The following SPRY3 variants were observed in gnomAD, a reference collection of about 807,000 sequenced individuals.
The protein encoded by SPRY3 is sprouty RTK signaling antagonist 3, also known as protein sprouty homolog 3.
A neutral mutation model predicts 20.2 loss-of-function variants in SPRY3; 15 were observed. The observed-to-expected ratio is 0.74, with a 90% confidence interval of 0.50 to 1.14. SPRY3 has a LOEUF of 1.14. SPRY3 is among the 50% of genes most tolerant of loss of function. SPRY3 has a pLI of 0.00. For missense variants in SPRY3, 364 were observed against 363.9 expected (o/e 1.00, Z 0.00); for synonymous variants, 143 against 136.5 (o/e 1.05, Z -0.33).
At chrX:155,774,930 C>A in exon 4 of SPRY3, 1 of 656,542 alleles carries the variant, frequency 1.5e-6, no homozygotes, top group Admixed American at 3.0e-5. Context: ...CAGTATCTAT[C>A]CCACTCCTCT....
intron 2 of SPRY3, among the ~76,000 whole-genome samples, chrX:155,659,107 CT>C (rs1319283992): frequency 1.5e-5 from 1 of 65,471 alleles, no homozygotes; most frequent in African/African-American, 7.2e-5. Flanking sequence ...TTTCTTTCTT[CT>C]TTCTTTCTTT....
At chrX:155,749,617 G>T (rs1022864538) in intron 2 of SPRY3, among the ~76,000 whole-genome samples, 6 of 151,776 alleles carry the variant, frequency 4.0e-5, no homozygotes, top group African/African-American at 1.5e-4. Flanking sequence ...GCTTCAGTGG[G>T]CTGTGTGAGA....
At chrX:155,662,692 A>AAAC (rs2068013778) in intron 2 of SPRY3, among the ~76,000 whole-genome samples, 1 of 108,778 alleles carries the variant, frequency 9.2e-6, no homozygotes, top group Non-Finnish European at 1.9e-5. Context: ...CAAAAAAAAA[A>AAAC]AAAAAAAAAA....
intron 2 of SPRY3, among the ~76,000 whole-genome samples, chrX:155,746,641 C>A (rs2124578219): frequency 6.6e-6 from 1 of 151,994 alleles, no homozygotes; most frequent in African/African-American, 2.4e-5. Context: ...TCAGTCTTTC[C>A]TTTACCTTGG....
exon 2 of SPRY3, chrX:155,781,954 C>A (rs2091465540): frequency 6.0e-6 from 1 of 166,906 alleles, no homozygotes; most frequent in African/African-American, 2.4e-5. Flanking sequence ...CTTGCCCTTG[C>A]TGGAATAGGG....
chrX:155,621,605 G>T, intron 1 of SPRY3, among the ~76,000 whole-genome samples: 1 of 111,797 alleles, frequency 8.9e-6, no homozygotes, highest in Non-Finnish European at 1.9e-5. Context: ...AGGAAAAAAT[G>T]TGTCTTCAAG....
chrX:155,768,093 T>G lies in SPRY3; in HGVS notation c.-150T>G, dbSNP rs1204440470. 1 of 152,068 alleles carries G rather than the reference T, an allele frequency of 6.6e-6. No individual in the cohort carries two copies. Among genetic ancestry groups the G allele is most frequent in the Non-Finnish European group, 1.5e-5 (1 of 68,028 alleles). The allele number at this position is 152,068 out of a possible 1,614,324, so 9.4% of individuals were successfully genotyped here. ...AGATCCTTTGAGCCAGATGGGGCAT[T>G]AGTTCTTCTGCTTTTCTCAGCATGG... On this transcript the variant is annotated 5_prime_UTR_variant, in exon 3 of 4. The change creates a new upstream start codon in the 5' untranslated region. Transcript: ENST00000675360.
chrX:155,769,852 G>GT (rs1223092967), intron 3 of SPRY3, among the ~76,000 whole-genome samples: 1 of 152,210 alleles, frequency 6.6e-6, no homozygotes, highest in African/African-American at 2.4e-5. Context: ...GGCCCAGTCA[G>GT]TGGCAGAGAG....
At chrX:155,669,914 A>C (rs1241864146) in intron 2 of SPRY3, 1 of 111,217 alleles carries the variant, frequency 9.0e-6, no homozygotes, top group Non-Finnish European at 1.9e-5. Context: ...TCTCATAGTG[A>C]AATAGGCATT....
chrX:155,626,138 T>C, intron 1 of SPRY3, among the ~76,000 whole-genome samples: 1 of 111,623 alleles, frequency 9.0e-6, no homozygotes, highest in Non-Finnish European at 1.9e-5. Flanking sequence ...CCACAATGGC[T>C]ACACAATTTT....
At chrX:155,740,893 G>A (rs868670026) in intron 2 of SPRY3, among the ~76,000 whole-genome samples, 10 of 151,874 alleles carry the variant, frequency 6.6e-5, no homozygotes, top group Non-Finnish European at 1.0e-4. Context: ...TGGGCATCAC[G>A]GTCCTACCGA....
At chrX:155,625,760 T>G (rs1485970538) in intron 1 of SPRY3, among the ~76,000 whole-genome samples, 1 of 111,505 alleles carries the variant, frequency 9.0e-6, no homozygotes, top group African/African-American at 3.3e-5. Flanking sequence ...TCCCTACCAC[T>G]GGCAACCACT....
chrX:155,772,005 A>G (rs1280644571), intron 3 of SPRY3, among the ~76,000 whole-genome samples: 2 of 152,150 alleles, frequency 1.3e-5, no homozygotes, highest in South Asian at 4.2e-4. Context: ...TTTCACATAG[A>G]TAGTGAAACT....
intron 2 of SPRY3, among the ~76,000 whole-genome samples, chrX:155,671,221 A>C (rs782217943): frequency 8.9e-6 from 1 of 111,867 alleles, no homozygotes; most frequent in African/African-American, 3.2e-5. Context: ...ATAGTTACTT[A>C]TTCTGAACTG....
intron 1 of SPRY3, among the ~76,000 whole-genome samples, chrX:155,624,782 T>C (rs995072374): frequency 4.5e-5 from 5 of 111,971 alleles, no homozygotes; most frequent in Non-Finnish European, 7.6e-5. Context: ...TCCAGGATAA[T>C]GAACTTAATA....
chrX:155,742,144 G>A (rs1170751745), intron 2 of SPRY3, among the ~76,000 whole-genome samples: 1 of 152,236 alleles, frequency 6.6e-6, no homozygotes, highest in South Asian at 2.1e-4. Flanking sequence ...TAAAGGGATG[G>A]AGGAAAATTT....
At chrX:155,723,411 C>T (rs1178011583) in intron 2 of SPRY3, among the ~76,000 whole-genome samples, 4 of 152,088 alleles carry the variant, frequency 2.6e-5, no homozygotes, top group South Asian at 2.1e-4. Flanking sequence ...AGTATAAAAG[C>T]ATTCCTATTT....
intron 2 of SPRY3, among the ~76,000 whole-genome samples, chrX:155,713,097 C>CT (rs200478917): frequency 0.014 from 2,054 of 151,848 alleles, 51 homozygotes; most frequent in African/African-American, 0.047. Context: ...TTTAATCTTT[C>CT]TTTTTTTAAT....
intron 2 of SPRY3, among the ~76,000 whole-genome samples, chrX:155,668,917 C>T (rs1384907164): frequency 9.0e-6 from 1 of 110,960 alleles, no homozygotes; most frequent in African/African-American, 3.3e-5. Flanking sequence ...CTCAGGGGTA[C>T]TTACTGAAGA....
Sources: allele counts gnomAD v4.1 joint callset (sites outside exome capture counted in the v4.1 genomes callset), GRCh38; gene constraint gnomAD v4.1.1; transcripts MANE v1.5; gene names NCBI Gene and HGNC (gene_info 2026-07-23, HGNC 2026-07-21).